Variants in PGM3 observed in about 807,000 individuals in gnomAD.
PGM3 encodes phosphoglucomutase 3, also known as phosphoacetylglucosamine mutase.
Under a neutral mutation model 66.2 loss-of-function variants are expected in PGM3, and 40 were observed. The observed-to-expected ratio is 0.60, with a 90% CI of 0.47 to 0.79. The LOEUF (loss-of-function observed/expected upper bound fraction) is 0.79, where lower values mean the gene tolerates loss of function less well. PGM3 is among the 30% of genes least tolerant of loss of function. The pLI is 0.00. For missense variants in PGM3, 537 were observed against 643.4 expected, an observed-to-expected ratio of 0.83 and a Z score of 1.79; for synonymous variants, 191 against 224.2, an observed-to-expected ratio of 0.85 and a Z score of 1.32.
At position 83,178,672 on chromosome 6, in the gene PGM3, C is replaced by A. The variant is rs1562420049; in HGVS notation, c.1029+1G>T. 1.3e-6 allele frequency: 2 copies of A among 1,565,144 alleles called. No individual in the cohort carries two copies. Among genetic ancestry groups the A allele is most frequent in the African/African-American group, 1.4e-5 (1 of 73,878 alleles). ...ACCAGAAAACAAAAATGGTTCAATA[C>A]CTTCATAACTTCTTCAAGATACCGT... On this transcript the variant is annotated splice_donor_variant, in intron 8 of 12. Transcript: ENST00000513973. LOFTEE classifies it high-confidence loss of function.
Position 83,168,427 on chromosome 6 carries a change from A to C in PGM3, c.*807T>G. On this transcript the variant is annotated 3_prime_UTR_variant, in exon 13 of 13. Coordinates refer to ENST00000513973, the MANE Select transcript of PGM3 (RefSeq NM_015599.3). ...AAAGTCCATTGTTTTTATTGTCCTG[A>C]GTTGTCTTAAACCTGCAAAATATAC... The C allele has an allele frequency of 2.6e-6, 3 of 1,162,160 alleles. No individual in the cohort carries two copies. Among genetic ancestry groups the C allele is most frequent in the Non-Finnish European group, 3.2e-6 (3 of 942,584 alleles). The allele number at this position is 1,162,160 out of a possible 1,614,324, so 72.0% of individuals were successfully genotyped here. A position where few individuals can be genotyped will look rare whatever the true frequency, so the allele number is the denominator to read the frequency against.
chr6:83,171,887 G>A (rs1185516087), intron 11 of PGM3, 50 bp downstream of exon 11: 1 of 1,400,510 alleles, frequency 7.1e-7, no homozygotes, highest in Non-Finnish European at 1.0e-6. Context: ...GGGATAATAG[G>A]TTTTACTTAG....
intron 2 of PGM3, chr6:83,190,581 G>A: frequency 1.8e-6 from 1 of 565,388 alleles, no homozygotes; most frequent in South Asian, 2.2e-5. Context: ...TCTCTAATAT[G>A]GACACTCCAA....
intron 8 of PGM3, among the ~76,000 whole-genome samples, chr6:83,177,408 TAGAAAC>T (rs747394033): frequency 6.6e-6 from 1 of 151,790 alleles, no homozygotes; most frequent in Non-Finnish European, 1.5e-5. Flanking sequence ...GGGAAATAAT[TAGAAAC>T]AGAATCTCCC....
At chr6:83,154,006 C>T in the PGM3 span, 10 of 1,614,000 alleles carry the variant, frequency 6.2e-6, no homozygotes, top group East Asian at 6.7e-5. Flanking sequence ...CTTTATGGAT[C>T]CCAGTTTCTT....
upstream of PGM3, chr6:83,193,590 G>C (rs957674356): frequency 6.6e-6 from 1 of 152,174 alleles, no homozygotes; most frequent in African/African-American, 2.4e-5. Context: ...GGTTCCTAGT[G>C]GTCTTGGCTA....
the PGM3 span, among the ~76,000 whole-genome samples, chr6:83,149,903 G>A: frequency 1.3e-5 from 2 of 152,166 alleles, no homozygotes; most frequent in Non-Finnish European, 2.9e-5. Context: ...TAAGGAAGGT[G>A]AGGAATAATA....
the PGM3 span, chr6:83,153,778 C>T: frequency 1.1e-4 from 138 of 1,221,398 alleles, no homozygotes; most frequent in African/African-American, 1.2e-3. Context: ...TCTTATGGTG[C>T]TTTCTATTTC....
the PGM3 span, chr6:83,152,166 A>T: frequency 1.1e-6 from 1 of 911,296 alleles, no homozygotes. Context: ...CAGTGGGAAA[A>T]ATATATATAT....
At chr6:83,160,254 A>C (rs1246044363), downstream of PGM3, among the ~76,000 whole-genome samples, 1 of 152,220 alleles carries the variant, frequency 6.6e-6, no homozygotes, top group Non-Finnish European at 1.5e-5. Flanking sequence ...TGGCTCATGC[A>C]CAAGACACAC....
chr6:83,188,588 T>C, intron 3 of PGM3, 26 bp downstream of exon 3: 1 of 1,559,712 alleles, frequency 6.4e-7, no homozygotes, highest in South Asian at 1.2e-5. Context: ...AAGGTTTTTT[T>C]TTTTACCAGT....
At chr6:83,179,557 G>A (rs1247740645) in intron 7 of PGM3, among the ~76,000 whole-genome samples, 2 of 152,086 alleles carry the variant, frequency 1.3e-5, no homozygotes, top group African/African-American at 2.4e-5. Context: ...AATTATGATG[G>A]AAGCAAAACT....
rs1222278393 is a variant in PGM3 at position 83,186,882 on chromosome 6, A to G, written c.457+126T>C. 5.5e-6 allele frequency: 3 copies of G among 544,790 alleles called. No individual in the cohort carries two copies. The East Asian group carries it at 9.5e-5, about 17-fold the overall frequency. The allele number at this position is 544,790 out of a possible 1,614,324, so 33.7% of individuals were successfully genotyped here. A position where few individuals can be genotyped will look rare whatever the true frequency, so the allele number is the denominator to read the frequency against. On this transcript the variant is annotated intron_variant, in intron 4 of 12. Transcript: ENST00000513973. ...TTAAAGTTAGTATTTTGTATCTAGG[A>G]GTTCATTTTTTAAACATTTTTTGTT...
At chr6:83,164,649 T>C, downstream of PGM3, 2 of 1,564,518 alleles carry the variant, frequency 1.3e-6, no homozygotes, top group Non-Finnish European at 1.7e-6. Flanking sequence ...TTCTCCTCTT[T>C]CCTTCCACAG....
chr6:83,148,903 A>G, the PGM3 span: 1 of 1,250,970 alleles, frequency 8.0e-7, no homozygotes, highest in East Asian at 2.8e-5. Flanking sequence ...ATAAAAGGAT[A>G]ATGTTAATTG....
At chr6:83,151,854 T>C in the PGM3 span, 1 of 1,606,548 alleles carries the variant, frequency 6.2e-7, no homozygotes, top group Non-Finnish European at 8.5e-7. Context: ...GTGTGTACCA[T>C]ACATAGTTGT....
chr6:83,157,062 T>C, downstream of PGM3: 1 of 924,074 alleles, frequency 1.1e-6, no homozygotes, highest in Non-Finnish European at 1.6e-6. Flanking sequence ...ACAACAGTTT[T>C]GAATTTTTTT....
chr6:83,179,015 A>T (rs553566479), intron 7 of PGM3, among the ~76,000 whole-genome samples: 2 of 152,320 alleles, frequency 1.3e-5, no homozygotes, highest in East Asian at 1.9e-4. Flanking sequence ...TTAATTTTTT[A>T]AATAAAAGTA....
intron 6 of PGM3, among the ~76,000 whole-genome samples, chr6:83,180,867 T>A (rs1051371020): frequency 6.6e-6 from 1 of 152,200 alleles, no homozygotes; most frequent in African/African-American, 2.4e-5. Context: ...CTGGATGAAG[T>A]CTGTAGAGTT....
Sources: allele counts gnomAD v4.1 joint callset (sites outside exome capture counted in the v4.1 genomes callset), GRCh38; gene constraint gnomAD v4.1.1; transcripts MANE v1.5; gene names NCBI Gene and HGNC (gene_info 2026-07-23, HGNC 2026-07-21).